The following RASGRP1 variants were observed in gnomAD, a reference collection of about 807,000 sequenced individuals.
RASGRP1 encodes the protein RAS guanyl-releasing protein 1.
A neutral mutation model predicts 95.1 loss-of-function variants in RASGRP1; 37 were observed. That is an observed-to-expected ratio of 0.39 (90% CI 0.30 to 0.51). RASGRP1 has a LOEUF of 0.51. Ranked by LOEUF, RASGRP1 falls within the 20% of genes least tolerant of loss-of-function variation. The pLI, the probability that RASGRP1 is intolerant of heterozygous loss-of-function variation, is 0.80. For synonymous variants in RASGRP1, 325 were observed against 353.4 expected (o/e 0.92, Z 0.90); for missense variants, 711 against 965.4 (o/e 0.74, Z 3.49).
intron 16 of RASGRP1, 174 bp downstream of exon 16, chr15:38,494,208 C>T: frequency 1.2e-6 from 1 of 848,834 alleles, no homozygotes. Context: ...TCCTTTCTTC[C>T]TTCCCTCCCT....
At chr15:38,534,412 C>T (rs1294259540) in intron 2 of RASGRP1, 3 of 152,178 alleles carry the variant, frequency 2.0e-5, no homozygotes, top group Admixed American at 2.0e-4. Flanking sequence ...TATAGTTAGA[C>T]TAGTGTCTAT....
At chr15:38,546,231 A>T (rs28536554) in intron 2 of RASGRP1, among the ~76,000 whole-genome samples, 44,342 of 148,792 alleles carry the variant, frequency 0.3, 6,663 homozygotes, top group East Asian at 0.36. Context: ...TTATTTATTT[A>T]TTTTTGAGAT....
At chr15:38,503,720 C>A in intron 10 of RASGRP1, 1 of 238,866 alleles carries the variant, frequency 4.2e-6, no homozygotes, top group Non-Finnish European at 8.0e-6. Context: ...TCTCTATTCT[C>A]CAGTCACATT....
chr15:38,518,537 T>C, intron 4 of RASGRP1, 114 bp from the exon 5 acceptor site: 1 of 1,165,234 alleles, frequency 8.6e-7, no homozygotes, highest in Non-Finnish European at 1.2e-6. Context: ...AGACAAAGTC[T>C]GATTCGTCTA....
At chr15:38,516,770 G>C (rs1225251706) in intron 5 of RASGRP1, among the ~76,000 whole-genome samples, 1 of 151,992 alleles carries the variant, frequency 6.6e-6, no homozygotes, top group African/African-American at 2.4e-5. Context: ...TCCCAAGGCA[G>C]TGAAACAGTT....
intron 2 of RASGRP1, among the ~76,000 whole-genome samples, chr15:38,543,252 T>C (rs536039369): frequency 6.6e-6 from 1 of 152,276 alleles, no homozygotes; most frequent in East Asian, 1.9e-4. Flanking sequence ...TCATTTTTTT[T>C]CATGACTGTC....
At chr15:38,562,019 A>G (rs1231604146) in intron 1 of RASGRP1, among the ~76,000 whole-genome samples, 1 of 152,202 alleles carries the variant, frequency 6.6e-6, no homozygotes. Context: ...TGAATCTAAA[A>G]AAGGGTAAAT....
intron 6 of RASGRP1, 30 bp from the exon 7 acceptor site, chr15:38,512,986 A>G: frequency 6.8e-7 from 1 of 1,473,996 alleles, no homozygotes; most frequent in Non-Finnish European, 9.0e-7. Context: ...AACAACAAAA[A>G]AAACCTATCA....
chr15:38,493,902 A>G (rs1391779210), intron 16 of RASGRP1, among the ~76,000 whole-genome samples: 1 of 152,240 alleles, frequency 6.6e-6, no homozygotes, highest in East Asian at 1.9e-4. Context: ...TTAGGTAACC[A>G]TGATGATCCT....
chr15:38,522,305 TGAAATC>T (rs1892033844), intron 3 of RASGRP1, among the ~76,000 whole-genome samples: 2 of 152,218 alleles, frequency 1.3e-5, no homozygotes, highest in South Asian at 4.1e-4. Context: ...TTAACCAAAT[TGAAATC>T]ACAGCAGCTA....
At chr15:38,536,217 G>A (rs998407750) in intron 2 of RASGRP1, among the ~76,000 whole-genome samples, 3 of 152,200 alleles carry the variant, frequency 2.0e-5, no homozygotes, top group African/African-American at 4.8e-5. Context: ...ATGGCTCATA[G>A]ACATTGACCA....
chr15:38,501,957 C>T (rs187263002), intron 12 of RASGRP1, among the ~76,000 whole-genome samples: 2 of 151,430 alleles, frequency 1.3e-5, no homozygotes, highest in African/African-American at 4.8e-5. Context: ...TGGGTTCAAA[C>T]AACTCTCCTG....
chr15:38,516,308 T>C lies in RASGRP1; in HGVS notation c.564A>G (p.Lys188=), dbSNP rs1313883421. 1 of 1,609,624 alleles carries C rather than the reference T, an allele frequency of 6.2e-7. No individual in the cohort carries two copies. The highest frequency in any genetic ancestry group is 8.5e-7 in the Non-Finnish European group (1 of 1,175,982). Residue 188 remains lysine, a synonymous_variant, in exon 6 of 17, where the codon AAA becomes AAG. Transcript: ENST00000310803. The part of the protein sequence containing the change: ...DWSRKLTQRI[K]SNTSKKRKVS... The stretch of plus-strand genomic sequence containing the variant: ...CTTTCCGTTTCTTGCTGGTATTTGA[T>C]TTTATCCTTTGAGTAAGTTTCCTGG...
chr15:38,524,094 T>A (rs1892101478), intron 3 of RASGRP1: 1 of 152,160 alleles, frequency 6.6e-6, no homozygotes, highest in South Asian at 2.1e-4. Flanking sequence ...AAAAATGGTT[T>A]AGGTTAGATG....
At chr15:38,503,740 A>C in intron 10 of RASGRP1, 1 of 219,366 alleles carries the variant, frequency 4.6e-6, no homozygotes, top group Non-Finnish European at 8.9e-6. Context: ...TTTGCAGTAG[A>C]AATGTGAATA....
At position 38,559,978 on chromosome 15, in the gene RASGRP1, G is replaced by A; in HGVS notation, c.63C>T (p.Ala21=). The change falls in exon 2 of 17, where the codon GCC becomes GCT. Residue 21 remains alanine (A), a synonymous_variant. Transcript: ENST00000310803. ...PRKPSHGCRA[A]SKARLEAKPA... ...GCTTTGCCTCTAGTCTTGCTTTAGA[G>A]GCAGCTCTGCAGCCATGGGAAGGTT... The A allele has an allele frequency of 1.2e-6, 2 of 1,612,996 alleles. No homozygotes were observed. Among genetic ancestry groups the A allele is most frequent in the East Asian group, 2.2e-5 (1 of 44,886 alleles).
At chr15:38,541,598 A>C (rs1892863732) in intron 2 of RASGRP1, among the ~76,000 whole-genome samples, 1 of 152,230 alleles carries the variant, frequency 6.6e-6, no homozygotes, top group African/African-American at 2.4e-5. Flanking sequence ...TCATTTATTC[A>C]TTCATATATA....
intron 15 of RASGRP1, among the ~76,000 whole-genome samples, chr15:38,495,992 G>A (rs908892235): frequency 6.6e-6 from 1 of 152,140 alleles, no homozygotes; most frequent in Non-Finnish European, 1.5e-5. Flanking sequence ...GAAGAAAGCA[G>A]TAAGAACAAA....
chr15:38,539,956 G>T (rs577042518), intron 2 of RASGRP1, among the ~76,000 whole-genome samples: 1 of 152,106 alleles, frequency 6.6e-6, no homozygotes, highest in Admixed American at 6.5e-5. Flanking sequence ...TCACTCTATT[G>T]CCCAGGCCGG....
Sources: gnomAD v4.1 joint callset for allele counts (sites outside exome capture counted in the v4.1 genomes callset) on GRCh38, gnomAD v4.1.1 for gene constraint, MANE v1.5 for transcripts, NCBI Gene and HGNC (gene_info 2026-07-23, HGNC 2026-07-21) for gene names.